The following SASH1 variants were observed in gnomAD, a reference collection of about 807,000 sequenced individuals.
The protein encoded by SASH1 is SAM and SH3 domain-containing protein 1.
Under a neutral mutation model 125.2 loss-of-function variants are expected in SASH1, and 44 were observed. The ratio of observed to expected loss-of-function variants is 0.35; its 90% CI spans 0.28 to 0.45. SASH1 has a LOEUF of 0.45. Ranked by LOEUF, SASH1 falls within the 20% of genes least tolerant of loss-of-function variation. The pLI is 1.00. For synonymous variants in SASH1, 639 were observed against 649.1 expected, an observed-to-expected ratio of 0.98 and a Z score of 0.24; for missense variants, 1,426 against 1,614.5, an observed-to-expected ratio of 0.88 and a Z score of 2.00.
Position 148,346,270 on chromosome 6 carries a change from T to C in SASH1, c.156+3047T>C, listed in dbSNP as rs191225980. Among the ~76,000 whole-genome samples the C allele has an allele frequency of 2.6e-5, 4 of 152,286 alleles. No individual in the cohort carries two copies. The East Asian group carries it at 7.7e-4, about 29-fold the overall frequency. ...ATCTCAGTAAATACAGGATGGTTGT[T>C]TGAGTTCATTAGGACACATTTTGCA... is the stretch of plus-strand genomic sequence containing the variant. On this transcript the variant is annotated intron_variant, in intron 1 of 19. Transcript: ENST00000367467.
intron 2 of SASH1, among the ~76,000 whole-genome samples, chr6:148,409,154 C>T (rs552722889): frequency 9.2e-5 from 14 of 152,282 alleles, no homozygotes; most frequent in African/African-American, 3.4e-4. Context: ...TTATTATTCA[C>T]GTGCTTGTCT....
intron 1 of SASH1, among the ~76,000 whole-genome samples, chr6:148,377,483 T>C (rs963665643): frequency 6.6e-6 from 1 of 152,236 alleles, no homozygotes; most frequent in Non-Finnish European, 1.5e-5. Flanking sequence ...GGAAATATCT[T>C]TGGATTCAGG....
intron 1 of SASH1, among the ~76,000 whole-genome samples, chr6:148,383,389 CAG>C (rs1051362423): frequency 1.1e-4 from 17 of 151,956 alleles, no homozygotes; most frequent in African/African-American, 3.9e-4. Context: ...GTAAATATAA[CAG>C]AATTTATGTT....
chr6:148,536,858 G>A (rs1374091548), intron 16 of SASH1, among the ~76,000 whole-genome samples: 1 of 152,172 alleles, frequency 6.6e-6, no homozygotes, highest in Admixed American at 6.5e-5. Context: ...TTGCTAACCT[G>A]GAAGGTGAAG....
Position 148,505,730 on chromosome 6 carries a change from C to G in SASH1, c.730-8594C>G, listed in dbSNP as rs148924137. Reference sequence around the variant, plus strand: ...TCAGCTCACTGCAACCTCTGCCTCCCAGGTTCAAGCAATTCTCCTGCTTCA... The same window carrying G: ...TCAGCTCACTGCAACCTCTGCCTCCGAGGTTCAAGCAATTCTCCTGCTTCA... On this transcript the variant is annotated intron_variant, in intron 8 of 19. Transcript: ENST00000367467. Among the ~76,000 whole-genome samples the G allele has an allele frequency of 7.5e-3, 1,135 of 152,182 alleles. 13 individuals carry two copies. The highest frequency in any genetic ancestry group is 0.026 in the African/African-American group (1,094 of 41,524).
intron 1 of SASH1, among the ~76,000 whole-genome samples, chr6:148,311,973 C>G (rs1489708214): frequency 1.3e-5 from 2 of 152,122 alleles, no homozygotes; most frequent in Non-Finnish European, 1.5e-5. Flanking sequence ...AAGCAAGAAA[C>G]TTCTGTTACA....
chr6:148,403,611 A>G (rs746814422), intron 2 of SASH1, among the ~76,000 whole-genome samples: 10 of 151,870 alleles, frequency 6.6e-5, no homozygotes, highest in African/African-American at 9.7e-5. Context: ...GCTCACCGCA[A>G]CCTCTTCCTC....
intron 2 of SASH1, among the ~76,000 whole-genome samples, chr6:148,396,668 C>A (rs1783965962): frequency 6.6e-6 from 1 of 151,960 alleles, no homozygotes; most frequent in South Asian, 2.1e-4. Flanking sequence ...ACTGTACCAC[C>A]CCCTCTCCAA....
intron 1 of SASH1, among the ~76,000 whole-genome samples, chr6:148,313,730 T>C (rs1246535893): frequency 1.3e-5 from 2 of 152,162 alleles, no homozygotes; most frequent in Non-Finnish European, 2.9e-5. Context: ...CACGTGCGGC[T>C]GCATGCCGGG....
At chr6:148,382,902 C>T (rs899622871) in intron 1 of SASH1, among the ~76,000 whole-genome samples, 25 of 152,324 alleles carry the variant, frequency 1.6e-4, no homozygotes, top group African/African-American at 5.3e-4. Context: ...CTTCACTTGC[C>T]ATTTGCATGA....
At chr6:148,447,852 C>T (rs952506658) in intron 4 of SASH1, among the ~76,000 whole-genome samples, 1 of 152,136 alleles carries the variant, frequency 6.6e-6, no homozygotes, top group African/African-American at 2.4e-5. Context: ...TGCAGTTTCT[C>T]AGACAGGCCC....
At chr6:148,382,595 A>AT (rs556462262) in intron 1 of SASH1, among the ~76,000 whole-genome samples, 146 of 151,890 alleles carry the variant, frequency 9.6e-4, no homozygotes, top group African/African-American at 3.4e-3. Flanking sequence ...TGGCCCCCCA[A>AT]TTTTTTTTCC....
At chr6:148,454,093 C>G (rs889519265) in intron 4 of SASH1, among the ~76,000 whole-genome samples, 2 of 152,058 alleles carry the variant, frequency 1.3e-5, no homozygotes, top group African/African-American at 4.8e-5. Context: ...GGGCTGACAC[C>G]CATGCCATCA....
chr6:148,263,842 G>T, the SASH1 span, among the ~76,000 whole-genome samples: 1 of 152,184 alleles, frequency 6.6e-6, no homozygotes, highest in Non-Finnish European at 1.5e-5. Flanking sequence ...CTGTCTGGAT[G>T]GTGGAAATGG....
intron 1 of SASH1, among the ~76,000 whole-genome samples, chr6:148,379,423 A>T (rs1456826034): frequency 1.3e-5 from 2 of 152,188 alleles, no homozygotes; most frequent in Non-Finnish European, 2.9e-5. Flanking sequence ...TTCATGTATC[A>T]ATGTCTCATT....
At chr6:148,402,654 G>A (rs568132182) in intron 2 of SASH1, among the ~76,000 whole-genome samples, 1 of 145,292 alleles carries the variant, frequency 6.9e-6, no homozygotes, top group African/African-American at 2.6e-5. Flanking sequence ...TCGCTCGGTC[G>A]CCCAGGCTGG....
At chr6:148,450,167 T>TA (rs1464306575) in intron 4 of SASH1, among the ~76,000 whole-genome samples, 53 of 152,340 alleles carry the variant, frequency 3.5e-4, no homozygotes. Flanking sequence ...TTCCGTGAAC[T>TA]AAAGAGCATT....
intron 2 of SASH1, among the ~76,000 whole-genome samples, chr6:148,428,585 C>T (rs1337320043): frequency 1.5e-5 from 2 of 135,800 alleles, no homozygotes; most frequent in East Asian, 2.1e-4. Flanking sequence ...GCTGAGATGG[C>T]GCCACTGCAC....
intron 1 of SASH1, among the ~76,000 whole-genome samples, chr6:148,379,344 C>A (rs7739567): frequency 0.26 from 39,427 of 151,950 alleles, 5,339 homozygotes; most frequent in Non-Finnish European, 0.31. Flanking sequence ...TTTGATATTC[C>A]CTCTGTATGG....
Sources: gnomAD v4.1 joint callset for allele counts (sites outside exome capture counted in the v4.1 genomes callset) on GRCh38, gnomAD v4.1.1 for gene constraint, MANE v1.5 for transcripts, NCBI Gene and HGNC (gene_info 2026-07-23, HGNC 2026-07-21) for gene names.